The following CDK18 variants were observed in gnomAD, a reference collection of about 807,000 sequenced individuals.
CDK18 encodes cyclin dependent kinase 18.
CDK18 carries 52 observed loss-of-function variants against 62.0 expected under a neutral mutation model. That is an observed-to-expected ratio of 0.84 (90% CI 0.67 to 1.06). CDK18 has a LOEUF of 1.06. Among genes scored for constraint, CDK18 ranks in the 50% least tolerant of loss-of-function variants. The pLI is 0.00. For synonymous variants in CDK18, 237 were observed against 247.0 expected (o/e 0.96, Z 0.38); for missense variants, 604 against 619.9 (o/e 0.97, Z 0.27).
intron 1 of CDK18, among the ~76,000 whole-genome samples, chr1:205,520,856 C>T (rs989384528): frequency 1.3e-5 from 2 of 152,190 alleles, no homozygotes; most frequent in Non-Finnish European, 2.9e-5. Flanking sequence ...CATCATGAAG[C>T]CTCCAGATTA....
At chr1:205,519,982 C>T (rs1442024021) in intron 1 of CDK18, among the ~76,000 whole-genome samples, 6 of 152,126 alleles carry the variant, frequency 3.9e-5, no homozygotes, top group South Asian at 4.1e-4. Flanking sequence ...TGTGGCTGGT[C>T]TCCCTCCTGG....
At chr1:205,530,371 G>T in intron 14 of CDK18, 22 bp downstream of exon 14, 1 of 1,604,628 alleles carries the variant, frequency 6.2e-7, no homozygotes. Flanking sequence ...GGGTCCGGGA[G>T]CAGGGCCACC....
Position 205,523,613 on chromosome 1 carries a change from C to G in CDK18, c.261C>G (p.Arg87=), listed in dbSNP as rs1332167943. 1 of 1,572,276 alleles carries G rather than the reference C, an allele frequency of 6.4e-7. No individual in the cohort carries two copies. Residue 87 remains arginine, a synonymous_variant, in exon 3 of 16, where the codon CGC becomes CGG. Transcript: ENST00000429964. The stretch of plus-strand genomic sequence containing the variant: ...TCCAGCGGCGGCAGAACCAGCGCCG[C>G]TTCTCCATGGAGGTAAGGGCCTCTG... ...VQFQRRQNQR[R]FSMEDVSKRL...
chr1:205,506,569 T>A (rs1000575439), intron 1 of CDK18, among the ~76,000 whole-genome samples: 2 of 152,124 alleles, frequency 1.3e-5, no homozygotes, highest in African/African-American at 4.8e-5. Flanking sequence ...ATGAAGTAGG[T>A]ATTATTATCA....
intron 1 of CDK18, 91 bp from the exon 2 acceptor site, chr1:205,523,056 G>C: frequency 1.4e-6 from 2 of 1,401,002 alleles, no homozygotes; most frequent in Non-Finnish European, 1.9e-6. Context: ...GGGCGACAGA[G>C]CTTGATGAGA....
intron 1 of CDK18, among the ~76,000 whole-genome samples, chr1:205,512,069 C>G (rs1240061101): frequency 2.0e-5 from 3 of 151,444 alleles, no homozygotes; most frequent in Admixed American, 6.6e-5. Flanking sequence ...ACACACATAC[C>G]TCTAACTGAA....
Position 205,528,980 on chromosome 1 carries a change from T to TG in CDK18, c.975-19_975-18insG. 6.5e-7 allele frequency: 1 copy of TG among 1,539,198 alleles called. No homozygotes were observed. Among genetic ancestry groups the TG allele is most frequent in the Non-Finnish European group, 8.8e-7 (1 of 1,133,798 alleles). ...GGCCGCCCCTGCCTGATGCCGACCC[T>TG]ACCCCTTGCTCCTCGCAGGGGCGTG... On this transcript the variant is annotated intron_variant, in intron 10 of 15. Coordinates refer to ENST00000429964, the MANE Select transcript of CDK18 (RefSeq NM_212502.3). This position sits in a 1 kb window ranked among gnomAD's most constrained non-coding sequence, Gnocchi z 4.2.
chr1:205,524,143 G>A (rs1668292496), intron 3 of CDK18, 89 bp from the exon 4 acceptor site: 4 of 1,480,954 alleles, frequency 2.7e-6, no homozygotes, highest in South Asian at 2.3e-5. Flanking sequence ...TGCAGGGAAC[G>A]CTAGGTCCAG....
chr1:205,526,847 C>T lies in CDK18; in HGVS notation c.729+10C>T, dbSNP rs191322853. 5.9e-4 allele frequency: 951 copies of T among 1,611,306 alleles called. 1 individual carries two copies. The highest frequency in any genetic ancestry group is 7.4e-4 in the Non-Finnish European group (866 of 1,177,448). On this transcript the variant is annotated intron_variant, in intron 8 of 15. Coordinates refer to ENST00000429964, the MANE Select transcript of CDK18 (RefSeq NM_212502.3). ...CATGCACAACGTCAAGGTGAGGCCT[C>T]GGGGGCAGGGTCCCCCCATCTTGGC...
intron 5 of CDK18, among the ~76,000 whole-genome samples, chr1:205,525,526 G>T (rs954379383): frequency 3.3e-5 from 5 of 152,118 alleles, no homozygotes; most frequent in Non-Finnish European, 5.9e-5. Context: ...CAAGTTACAT[G>T]ACCTCTCTGT....
At chr1:205,520,570 C>T (rs947233825) in intron 1 of CDK18, among the ~76,000 whole-genome samples, 6 of 151,872 alleles carry the variant, frequency 4.0e-5, no homozygotes, top group Non-Finnish European at 7.4e-5. Flanking sequence ...TGTGGTGGCG[C>T]GGGCCTGTAA....
intron 1 of CDK18, 153 bp from the exon 2 acceptor site, chr1:205,522,994 G>C: frequency 1.4e-6 from 1 of 739,250 alleles, no homozygotes; most frequent in Non-Finnish European, 2.2e-6. Flanking sequence ...CCCTCAGAGG[G>C]GTCAAACTTT....
In CDK18 at chr1:205,528,265, C is replaced by G; in HGVS notation, c.974+97C>G. On this transcript the variant is annotated intron_variant, in intron 10 of 15. Coordinates refer to ENST00000429964, the MANE Select transcript of CDK18 (RefSeq NM_212502.3). This position sits in a 1 kb window ranked among gnomAD's most constrained non-coding sequence, Gnocchi z 4.2. ...CCCAAGGGCCTCGGGGAAGAACTGC[C>G]TAACTTCCTTTGCCTAAAAGCCTTG... 2 of 1,441,546 alleles carry G rather than the reference C, an allele frequency of 1.4e-6. No individual in the cohort carries two copies. Among genetic ancestry groups the G allele is most frequent in the Admixed American group, 2.1e-5 (1 of 48,654 alleles). The allele number at this position is 1,441,546 out of a possible 1,614,324, so 89.3% of individuals were successfully genotyped here.
At chr1:205,522,961 G>T in intron 1 of CDK18, 186 bp from the exon 2 acceptor site, 2 of 590,884 alleles carry the variant, frequency 3.4e-6, no homozygotes, top group Non-Finnish European at 5.9e-6. Flanking sequence ...GAAGGTGACT[G>T]GGAAGAAGAG....
chr1:205,530,553 G>T, intron 14 of CDK18, 75 bp from the exon 15 acceptor site: 2 of 1,370,814 alleles, frequency 1.5e-6, no homozygotes, highest in Non-Finnish European at 2.1e-6. Context: ...GGGCTCAGTT[G>T]GTCCTTCTGG....
chr1:205,525,282 CGGCCCTCTCTGGTT>C (rs1668368140), intron 5 of CDK18, 87 bp downstream of exon 5: 2 of 953,962 alleles, frequency 2.1e-6, no homozygotes, highest in Admixed American at 2.2e-5. Context: ...CCTCTCTGGT[CGGCCCTCTCTGGTT>C]GGCCCTCTCC....
At position 205,528,621 on chromosome 1, in the gene CDK18, C is replaced by T. The variant is rs567555644; in HGVS notation, c.975-378C>T. 12 of 274,440 alleles carry T rather than the reference C, an allele frequency of 4.4e-5. No homozygotes were observed. The highest frequency in any genetic ancestry group is 2.1e-3 in the Middle Eastern group (2 of 956). The allele number at this position is 274,440 out of a possible 1,614,324, so 17.0% of individuals were successfully genotyped here. ...ATGAATGGCTGCTGTGACTCCGCCCCAAGGTTCCCCAGGAGAATGGATTTA... is the reference window on the plus strand; with the variant it reads ...ATGAATGGCTGCTGTGACTCCGCCCTAAGGTTCCCCAGGAGAATGGATTTA... On this transcript the variant is annotated intron_variant, in intron 10 of 15. Transcript: ENST00000429964. This position sits in a 1 kb window ranked among gnomAD's most constrained non-coding sequence, Gnocchi z 4.2.
chr1:205,529,105 C>G lies in CDK18; in HGVS notation c.1072+9C>G, dbSNP rs757076709. 5.8e-5 allele frequency: 91 copies of G among 1,564,030 alleles called. 1 individual carries two copies. Among genetic ancestry groups the G allele is most frequent in the Middle Eastern group, 3.3e-4 (2 of 5,976 alleles). ...CATCTTTCGCCTCCTCGGTCAGTCT[C>G]CCGCTGCTCCGTCCCTCTCACCACC... On this transcript the variant is annotated intron_variant, in intron 11 of 15. Transcript: ENST00000429964.
intron 7 of CDK18, 148 bp downstream of exon 7, chr1:205,526,609 C>A: frequency 1.1e-6 from 1 of 926,068 alleles, no homozygotes; most frequent in East Asian, 2.4e-5. Context: ...TGCTCCCGTG[C>A]AGGAGTGGGC....
Sources: gnomAD v4.1 joint callset for allele counts (sites outside exome capture counted in the v4.1 genomes callset) on GRCh38, gnomAD v4.1.1 for gene constraint, Gnocchi (gnomAD v3.1) non-coding constraint, MANE v1.5 for transcripts, NCBI Gene and HGNC (gene_info 2026-07-23, HGNC 2026-07-21) for gene names.